Variants in OPCML observed in about 807,000 individuals in gnomAD.
The protein encoded by OPCML is opioid binding protein/cell adhesion molecule like.
A neutral mutation model predicts 37.8 loss-of-function variants in OPCML; 13 were observed. That is an observed-to-expected ratio of 0.34 (90% CI 0.22 to 0.55). The LOEUF is 0.55. Ranked by LOEUF, OPCML falls within the 20% of genes least tolerant of loss-of-function variation. The pLI is 0.91. For missense variants in OPCML, 341 were observed against 435.6 expected (o/e 0.78, Z 1.93); for synonymous variants, 176 against 168.8 (o/e 1.04, Z -0.33).
At chr11:133,308,949 C>T (rs1328784630) in intron 1 of OPCML, among the ~76,000 whole-genome samples, 2 of 152,138 alleles carry the variant, frequency 1.3e-5, no homozygotes, top group African/African-American at 4.8e-5. Flanking sequence ...TCCATGAGTT[C>T]ACATTGATAT....
intron 1 of OPCML, among the ~76,000 whole-genome samples, chr11:133,436,360 G>T (rs1267950165): frequency 6.6e-6 from 1 of 152,180 alleles, no homozygotes; most frequent in Non-Finnish European, 1.5e-5. Context: ...AACGGGTAAG[G>T]AACCGGGTGG....
At chr11:133,517,594 G>T (rs1197794702) in intron 1 of OPCML, among the ~76,000 whole-genome samples, 2 of 152,228 alleles carry the variant, frequency 1.3e-5, no homozygotes, top group Admixed American at 1.3e-4. Flanking sequence ...ATCAGGACAA[G>T]GAGCTGTGGG....
chr11:133,227,870 C>A (rs1940105825), intron 1 of OPCML, among the ~76,000 whole-genome samples: 1 of 152,186 alleles, frequency 6.6e-6, no homozygotes, highest in African/African-American at 2.4e-5. Flanking sequence ...CCCTGCGGTG[C>A]AAACGCTGGG....
At chr11:133,379,200 T>C (rs1443076537) in intron 1 of OPCML, among the ~76,000 whole-genome samples, 4 of 152,244 alleles carry the variant, frequency 2.6e-5, no homozygotes, top group African/African-American at 9.6e-5. Context: ...TACATGTCCA[T>C]TGAAGGAACC....
chr11:132,876,519 A>G (rs1835254708), intron 2 of OPCML, among the ~76,000 whole-genome samples: 1 of 152,224 alleles, frequency 6.6e-6, no homozygotes, highest in African/African-American at 2.4e-5. Context: ...GTCAGTGGAC[A>G]GCACCTCGAG....
intron 2 of OPCML, among the ~76,000 whole-genome samples, chr11:132,922,171 C>G (rs1565966352): frequency 6.6e-6 from 1 of 152,134 alleles, no homozygotes; most frequent in Non-Finnish European, 1.5e-5. Flanking sequence ...AGCCACTACC[C>G]CCGGCCAATT....
At chr11:132,688,165 A>G (rs1943243866) in intron 2 of OPCML, among the ~76,000 whole-genome samples, 1 of 151,028 alleles carries the variant, frequency 6.6e-6, no homozygotes, top group Admixed American at 6.6e-5. Flanking sequence ...TTTAGGAATC[A>G]TGGTTTTTTT....
chr11:133,024,149 A>G (rs927867307), intron 1 of OPCML, among the ~76,000 whole-genome samples: 13 of 152,338 alleles, frequency 8.5e-5, no homozygotes, highest in Middle Eastern at 3.4e-3. Flanking sequence ...TGTTACAGAC[A>G]TGCATAAAAA....
chr11:132,850,177 C>T (rs1364062526), intron 2 of OPCML, among the ~76,000 whole-genome samples: 2 of 152,032 alleles, frequency 1.3e-5, no homozygotes, highest in Admixed American at 1.3e-4. Context: ...AAACAAAGTC[C>T]CTCTGGGAAA....
intron 2 of OPCML, among the ~76,000 whole-genome samples, chr11:132,888,178 T>C (rs1943496532): frequency 6.6e-6 from 1 of 152,154 alleles, no homozygotes; most frequent in African/African-American, 2.4e-5. Flanking sequence ...GGTTTGACGT[T>C]CAGTTCCCTT....
At chr11:132,611,935 C>T (rs912029005) in intron 3 of OPCML, among the ~76,000 whole-genome samples, 7 of 152,174 alleles carry the variant, frequency 4.6e-5, no homozygotes, top group African/African-American at 1.7e-4. Context: ...GACTCATTTA[C>T]AGTAGCGACC....
chr11:132,546,649 TTA>T (rs2096369352), intron 3 of OPCML, among the ~76,000 whole-genome samples: 1 of 152,220 alleles, frequency 6.6e-6, no homozygotes, highest in Non-Finnish European at 1.5e-5. Context: ...GCTCTACCAT[TTA>T]TTTCCCAGCT....
At chr11:132,746,798 T>C (rs976896295) in intron 2 of OPCML, among the ~76,000 whole-genome samples, 1 of 152,188 alleles carries the variant, frequency 6.6e-6, no homozygotes, top group Non-Finnish European at 1.5e-5. Context: ...CTTGGCACTC[T>C]GAGAACTGAA....
At chr11:133,352,212 A>G (rs889943141) in intron 1 of OPCML, among the ~76,000 whole-genome samples, 4 of 152,154 alleles carry the variant, frequency 2.6e-5, no homozygotes, top group African/African-American at 7.2e-5. Flanking sequence ...CATGCCTACA[A>G]TGCCTTGGCT....
At chr11:132,841,677 A>G (rs976150054) in intron 2 of OPCML, among the ~76,000 whole-genome samples, 3 of 152,018 alleles carry the variant, frequency 2.0e-5, no homozygotes, top group African/African-American at 7.3e-5. Context: ...CCTGGCCAAC[A>G]TGGTGAAACC....
intron 1 of OPCML, among the ~76,000 whole-genome samples, chr11:133,274,384 C>A (rs558628995): frequency 6.6e-6 from 1 of 152,050 alleles, no homozygotes; most frequent in South Asian, 2.1e-4. Flanking sequence ...GAGACAGAGA[C>A]GTGTGAGGGA....
At chr11:132,656,228 T>C (rs1941702164) in intron 3 of OPCML, among the ~76,000 whole-genome samples, 1 of 152,160 alleles carries the variant, frequency 6.6e-6, no homozygotes, top group South Asian at 2.1e-4. Context: ...AAGTTCAAAA[T>C]AAGTTCATTT....
chr11:133,376,540 T>C (rs1819422343), intron 1 of OPCML, among the ~76,000 whole-genome samples: 1 of 152,228 alleles, frequency 6.6e-6, no homozygotes, highest in Admixed American at 6.5e-5. Context: ...TGTAGACATG[T>C]GTATTATACA....
intron 2 of OPCML, among the ~76,000 whole-genome samples, chr11:132,690,270 G>C (rs182477986): frequency 6.6e-6 from 1 of 152,112 alleles, no homozygotes; most frequent in Non-Finnish European, 1.5e-5. Flanking sequence ...ACGTGCATCC[G>C]AGTCATCTGG....
Sources: gnomAD v4.1 joint callset for allele counts (sites outside exome capture counted in the v4.1 genomes callset) on GRCh38, gnomAD v4.1.1 for gene constraint, MANE v1.5 for transcripts, NCBI Gene and HGNC (gene_info 2026-07-23, HGNC 2026-07-21) for gene names.